MYO1D: variants seen among roughly 807,000 people sequenced by gnomAD.
MYO1D encodes the protein myosin ID.
In MYO1D, 83 loss-of-function variants were observed where a neutral mutation model predicts 122.0. The ratio of observed to expected loss-of-function variants is 0.68; its 90% CI spans 0.57 to 0.82. The LOEUF (loss-of-function observed/expected upper bound fraction) is 0.82, where lower values mean the gene tolerates loss of function less well. MYO1D is among the 40% of genes least tolerant of loss of function. The probability of loss-of-function intolerance (pLI) is 0.00; values close to 1 mark genes in which losing one functional copy is unlikely to be tolerated. For missense variants in MYO1D, 1,157 were observed against 1,269.5 expected (o/e 0.91, Z 1.35); for synonymous variants, 464 against 446.9 (o/e 1.04, Z -0.48).
chr17:32,756,633 C>G (rs974799967), intron 10 of MYO1D, among the ~76,000 whole-genome samples: 1 of 150,260 alleles, frequency 6.7e-6, no homozygotes, highest in Non-Finnish European at 1.5e-5. Context: ...GACTAAAATC[C>G]AAAAGAGCAT....
intron 21 of MYO1D, among the ~76,000 whole-genome samples, chr17:32,592,663 A>T (rs1299903283): frequency 6.6e-6 from 1 of 151,200 alleles, no homozygotes; most frequent in African/African-American, 2.4e-5. Flanking sequence ...CCAGGAGGGG[A>T]GGGGATGCCA....
At chr17:32,568,543 C>T (rs2087194860) in intron 21 of MYO1D, among the ~76,000 whole-genome samples, 1 of 152,124 alleles carries the variant, frequency 6.6e-6, no homozygotes, top group Non-Finnish European at 1.5e-5. Context: ...CTGTATAAGT[C>T]AGGTGTTTGT....
intron 1 of MYO1D, among the ~76,000 whole-genome samples, chr17:32,817,292 A>G (rs2090620395): frequency 6.6e-6 from 1 of 151,254 alleles, no homozygotes; most frequent in South Asian, 2.1e-4. Context: ...AAAAGATATG[A>G]AGACTGAAGA....
chr17:32,797,241 T>A (rs1403850783), intron 1 of MYO1D, among the ~76,000 whole-genome samples: 1 of 152,242 alleles, frequency 6.6e-6, no homozygotes, highest in Admixed American at 6.5e-5. Flanking sequence ...AGTGCTGGGA[T>A]TACAGGCGTA....
intron 21 of MYO1D, among the ~76,000 whole-genome samples, chr17:32,568,415 G>A (rs932963364): frequency 1.3e-5 from 2 of 152,180 alleles, no homozygotes; most frequent in South Asian, 2.1e-4. Flanking sequence ...GAGAGATTCC[G>A]TCTCTAGTCT....
intron 19 of MYO1D, among the ~76,000 whole-genome samples, chr17:32,641,547 C>G (rs1309490070): frequency 6.6e-6 from 1 of 152,196 alleles, no homozygotes; most frequent in East Asian, 1.9e-4. Flanking sequence ...TACAGTCCAA[C>G]CAACAGTGTA....
intron 14 of MYO1D, among the ~76,000 whole-genome samples, chr17:32,737,716 T>C (rs186342716): frequency 2.9e-4 from 44 of 152,202 alleles, no homozygotes; most frequent in African/African-American, 1.1e-3. Context: ...TCCTCCCGCC[T>C]TGGCCTCCCA....
intron 7 of MYO1D, 39 bp from the exon 8 acceptor site, chr17:32,765,120 T>C (rs1332277622): frequency 6.6e-7 from 1 of 1,516,782 alleles, no homozygotes; most frequent in East Asian, 2.3e-5. Context: ...TTATGAAACA[T>C]TATGTCAAGG....
chr17:32,592,395 T>C (rs1397462177), intron 21 of MYO1D, among the ~76,000 whole-genome samples: 1 of 152,244 alleles, frequency 6.6e-6, no homozygotes, highest in Non-Finnish European at 1.5e-5. Flanking sequence ...TTCTTTCACT[T>C]AGCAACATGC....
chr17:32,837,658 C>A (rs2090840772), intron 1 of MYO1D, among the ~76,000 whole-genome samples: 1 of 152,110 alleles, frequency 6.6e-6, no homozygotes, highest in African/African-American at 2.4e-5. Context: ...GGTATTGATG[C>A]AGACAGAGCC....
chr17:32,585,968 G>A (rs966509560), intron 21 of MYO1D, among the ~76,000 whole-genome samples: 1 of 151,904 alleles, frequency 6.6e-6, no homozygotes, highest in Middle Eastern at 3.2e-3. Flanking sequence ...TTCAAATATT[G>A]AAGAAAAGGA....
At chr17:32,579,730 G>C (rs1430952668) in intron 21 of MYO1D, among the ~76,000 whole-genome samples, 1 of 152,118 alleles carries the variant, frequency 6.6e-6, no homozygotes, top group East Asian at 1.9e-4. Flanking sequence ...GTATTTTCTA[G>C]AGTTGTATAT....
intron 21 of MYO1D, among the ~76,000 whole-genome samples, chr17:32,583,007 T>C (rs188119675): frequency 6.6e-6 from 1 of 152,366 alleles, no homozygotes; most frequent in African/African-American, 2.4e-5. Context: ...TGGAGATCTA[T>C]ATTTCCATGT....
chr17:32,506,589 G>T (rs1446403834), intron 21 of MYO1D, among the ~76,000 whole-genome samples: 5 of 152,178 alleles, frequency 3.3e-5, no homozygotes, highest in Non-Finnish European at 7.3e-5. Context: ...ACGGGAACAA[G>T]AAGGCACAAA....
At chr17:32,522,648 G>C (rs1910185516) in intron 21 of MYO1D, among the ~76,000 whole-genome samples, 1 of 152,070 alleles carries the variant, frequency 6.6e-6, no homozygotes, top group Non-Finnish European at 1.5e-5. Context: ...TGAGCTAAGG[G>C]GCAGTATGAG....
intron 1 of MYO1D, among the ~76,000 whole-genome samples, chr17:32,818,752 A>G (rs767934264): frequency 8.5e-5 from 13 of 152,226 alleles, no homozygotes; most frequent in African/African-American, 2.9e-4. Context: ...GAAGGGTATT[A>G]TATCACATAA....
chr17:32,867,976 T>A (rs1472697590), intron 1 of MYO1D, among the ~76,000 whole-genome samples: 1 of 151,352 alleles, frequency 6.6e-6, no homozygotes, highest in Non-Finnish European at 1.5e-5. Flanking sequence ...TGCCTAGATG[T>A]TACAAACCTT....
At position 32,812,387 on chromosome 17, in the gene MYO1D, G is replaced by T. The variant is rs540435290; in HGVS notation, c.96-31603C>A. Among the ~76,000 whole-genome samples, 10 of 152,310 alleles carry T rather than the reference G, an allele frequency of 6.6e-5. No homozygotes were observed. In the South Asian group the frequency reaches 1.9e-3, roughly 28 times the overall value. On this transcript the variant is annotated intron_variant, in intron 1 of 21. Coordinates refer to ENST00000318217, the MANE Select transcript of MYO1D (RefSeq NM_015194.3). ...CTCTTTTATTCTCACAGTTCTAAGA[G>T]TTTCTCTTCCTATTTTACATATGGT... is the stretch of plus-strand genomic sequence containing the variant.
rs138192165 is a variant in MYO1D, at chr17:32,665,813, G to A, written c.2122-6475C>T. On this transcript the variant is annotated intron_variant, in intron 16 of 21. Transcript: ENST00000318217. ...TCATGGATGGGGAACTTCACTACAG[G>A]GTGATTAGGTTGGGAGTAGCCATCT... Among the ~76,000 whole-genome samples the A allele has an allele frequency of 8.5e-5, 13 of 152,266 alleles. No homozygotes were observed. The East Asian group carries it at 2.5e-3, about 29-fold the overall frequency.
Sources: gnomAD v4.1 joint callset for allele counts (sites outside exome capture counted in the v4.1 genomes callset) on GRCh38, gnomAD v4.1.1 for gene constraint, MANE v1.5 for transcripts, NCBI Gene and HGNC (gene_info 2026-07-23, HGNC 2026-07-21) for gene names.